The following C3orf20 variants were observed in gnomAD, a reference collection of about 807,000 sequenced individuals.
C3orf20 encodes family with sequence similarity 149 member C.
In C3orf20, 76 loss-of-function variants were observed where a neutral mutation model predicts 88.3. The ratio of observed to expected loss-of-function variants is 0.86; its 90% confidence interval spans 0.72 to 1.04. C3orf20 has a LOEUF of 1.04. Ranked by LOEUF, C3orf20 falls within the 50% of genes least tolerant of loss-of-function variation. The pLI is 0.00. For synonymous variants in C3orf20, 436 were observed against 437.4 expected (o/e 1.00, Z 0.04); for missense variants, 1,056 against 1,123.3 (o/e 0.94, Z 0.86).
intron 12 of C3orf20, among the ~76,000 whole-genome samples, chr3:14,736,784 C>T (rs2034724940): frequency 6.6e-6 from 1 of 152,118 alleles, no homozygotes; most frequent in African/African-American, 2.4e-5. Flanking sequence ...TCAGGCTGAT[C>T]TCAAACTCCT....
At chr3:14,745,957 C>T (rs1198537184) in intron 12 of C3orf20, among the ~76,000 whole-genome samples, 1 of 152,066 alleles carries the variant, frequency 6.6e-6, no homozygotes, top group Non-Finnish European at 1.5e-5. Context: ...TTAAATCACC[C>T]CAAAAGGAAA....
chr3:14,703,380 C>T, intron 6 of C3orf20, 118 bp downstream of exon 6: 2 of 1,508,044 alleles, frequency 1.3e-6, no homozygotes, highest in Non-Finnish European at 1.8e-6. Flanking sequence ...AGACATGCCA[C>T]CTGGGAGCGT....
Position 14,701,036 on chromosome 3 carries a change from A to G in C3orf20, c.746-2094A>G, listed in dbSNP as rs2033240438. Among the ~76,000 whole-genome samples the G allele has an allele frequency of 1.3e-5, 2 of 152,212 alleles. No homozygotes were observed. Among genetic ancestry groups the G allele is most frequent in the South Asian group, 4.1e-4 (2 of 4,830 alleles). On this transcript the variant is annotated intron_variant, in intron 5 of 16. Coordinates refer to ENST00000253697, the MANE Select transcript of C3orf20 (RefSeq NM_032137.5). This position sits in a 1 kb window ranked among gnomAD's most constrained non-coding sequence, Gnocchi z 4.6. ...AATAGCAGTTCCTAGTCAGAGCAAGAGACCGTCACCTTTGGGGAGCCCAAG... is the reference window on the plus strand; with the variant it reads ...AATAGCAGTTCCTAGTCAGAGCAAGGGACCGTCACCTTTGGGGAGCCCAAG...
chr3:14,699,729 G>C (rs1428706073), intron 5 of C3orf20, among the ~76,000 whole-genome samples: 1 of 152,196 alleles, frequency 6.6e-6, no homozygotes, highest in Admixed American at 6.5e-5. Flanking sequence ...TGGGGTGGGG[G>C]GTGTCACAAG....
At chr3:14,737,750 C>T (rs2034764583) in intron 12 of C3orf20, among the ~76,000 whole-genome samples, 1 of 152,212 alleles carries the variant, frequency 6.6e-6, no homozygotes, top group Non-Finnish European at 1.5e-5. Flanking sequence ...GCATTTGATG[C>T]TGTTTGATAG....
chr3:14,714,132 G>A lies in C3orf20; in HGVS notation c.1286G>A (p.Gly429Asp), dbSNP rs779226777. The change falls in exon 8 of 17, where the codon GGC becomes GAC. Residue 429 changes from glycine to aspartate, a missense_variant. Physicochemically the swap from Gly to Asp is moderately conservative, Grantham distance 94. Transcript: ENST00000253697. ...GCCCTATTCAATACTGAAGGCCAGG[G>A]CTGTGTTCACTACAACCTAAAAACC... ...LLALFNTEGQ[G>D]CVHYNLKTSC... is the part of the protein sequence containing the mutation. The A allele has an allele frequency of 6.2e-7, 1 of 1,613,962 alleles. No individual in the cohort carries two copies. Among genetic ancestry groups the A allele is most frequent in the Non-Finnish European group, 8.5e-7 (1 of 1,180,000 alleles).
chr3:14,707,192 T>C (rs1331720256), intron 7 of C3orf20, among the ~76,000 whole-genome samples: 1 of 135,430 alleles, frequency 7.4e-6, no homozygotes, highest in Non-Finnish European at 1.5e-5. Flanking sequence ...GAGCTTGCAG[T>C]GAGCCGAGAT....
At chr3:14,715,214 C>A in intron 8 of C3orf20, 75 bp from the exon 9 acceptor site, 3 of 1,554,684 alleles carry the variant, frequency 1.9e-6, no homozygotes, top group Non-Finnish European at 2.6e-6. Context: ...ACAGACCTGT[C>A]TGCCCATAAC....
intron 4 of C3orf20, among the ~76,000 whole-genome samples, chr3:14,689,599 C>G (rs1489362582): frequency 6.6e-6 from 1 of 152,166 alleles, no homozygotes; most frequent in East Asian, 1.9e-4. Flanking sequence ...GAAGAAGCAT[C>G]TGATGTCTGT....
At chr3:14,707,092 AC>A (rs2033534777) in intron 7 of C3orf20, among the ~76,000 whole-genome samples, 1 of 151,830 alleles carries the variant, frequency 6.6e-6, no homozygotes, top group East Asian at 1.9e-4. Flanking sequence ...TACTAAAAAT[AC>A]AAAAAATTAG....
At chr3:14,729,330 GGAAGGAA>G (rs1218194445) in intron 12 of C3orf20, among the ~76,000 whole-genome samples, 7 of 152,138 alleles carry the variant, frequency 4.6e-5, no homozygotes, top group Non-Finnish European at 1.0e-4. Context: ...ACAGATGTGG[GGAAGGAA>G]CACCAGGCAG....
intron 12 of C3orf20, 77 bp downstream of exon 12, chr3:14,728,765 G>A: frequency 3.3e-6 from 5 of 1,503,440 alleles, no homozygotes; most frequent in Non-Finnish European, 4.5e-6. Flanking sequence ...GAACCCAACA[G>A]ATGGGGCCCC....
At chr3:14,730,602 T>C (rs1157406418) in intron 12 of C3orf20, among the ~76,000 whole-genome samples, 1 of 152,196 alleles carries the variant, frequency 6.6e-6, no homozygotes, top group East Asian at 1.9e-4. Flanking sequence ...GTATGCATTC[T>C]ATGTTGATGA....
chr3:14,713,473 G>A (rs1304770471), intron 7 of C3orf20, among the ~76,000 whole-genome samples: 1 of 152,124 alleles, frequency 6.6e-6, no homozygotes, highest in Non-Finnish European at 1.5e-5. Flanking sequence ...GGCTTCTTGG[G>A]GCCTCTTTAC....
intron 7 of C3orf20, among the ~76,000 whole-genome samples, chr3:14,704,976 TAGGAGGCCTTAA>T (rs1321253155): frequency 6.6e-6 from 1 of 152,182 alleles, no homozygotes; most frequent in African/African-American, 2.4e-5. Flanking sequence ...AGGAGAGAAT[TAGGAGGCCTTAA>T]ACAATTGGGA....
intron 10 of C3orf20, 105 bp from the exon 11 acceptor site, chr3:14,726,796 C>T: frequency 1.3e-6 from 2 of 1,504,326 alleles, no homozygotes; most frequent in Non-Finnish European, 1.8e-6. Context: ...GGGGGGCAGG[C>T]AATAGCACAT....
chr3:14,754,273 C>T (rs1359898825), intron 12 of C3orf20, among the ~76,000 whole-genome samples: 3 of 152,204 alleles, frequency 2.0e-5, no homozygotes, highest in Admixed American at 6.5e-5. Flanking sequence ...ACTGCTCCAG[C>T]CCTGAGAATG....
chr3:14,709,959 G>A (rs1393422889), intron 7 of C3orf20, among the ~76,000 whole-genome samples: 1 of 152,154 alleles, frequency 6.6e-6, no homozygotes, highest in Non-Finnish European at 1.5e-5. Flanking sequence ...TTCTTTAAAT[G>A]TCTGGTAGAA....
chr3:14,677,995 T>C (rs892136783), intron 1 of C3orf20, among the ~76,000 whole-genome samples: 1 of 28,190 alleles, frequency 3.5e-5, no homozygotes, highest in Non-Finnish European at 1.4e-4. Context: ...TCCCATCAGC[T>C]ACAAGATCAA....
Sources: allele counts gnomAD v4.1 joint callset (sites outside exome capture counted in the v4.1 genomes callset), GRCh38; gene constraint gnomAD v4.1.1; non-coding constraint Gnocchi (gnomAD v3.1); transcripts MANE v1.5; gene names NCBI Gene and HGNC (gene_info 2026-07-23, HGNC 2026-07-21).